Variants in NCOR2 observed in about 807,000 individuals in gnomAD.
NCOR2 encodes the protein nuclear receptor corepressor 2.
Under a neutral mutation model 262.9 loss-of-function variants are expected in NCOR2, and 81 were observed. That is an observed-to-expected ratio of 0.31 (90% confidence interval 0.26 to 0.37). The LOEUF is 0.37. NCOR2 is among the 10% of genes least tolerant of loss of function. The pLI, the probability that NCOR2 is intolerant of heterozygous loss-of-function variation, is 1.00. For synonymous variants in NCOR2, 1,659 were observed against 1,559.3 expected, an observed-to-expected ratio of 1.06 and a Z score of -1.51; for missense variants, 3,385 against 3,621.4, an observed-to-expected ratio of 0.93 and a Z score of 1.68.
At chr12:124,462,835 C>T (rs2046237997) in intron 5 of NCOR2, among the ~76,000 whole-genome samples, 1 of 152,232 alleles carries the variant, frequency 6.6e-6, no homozygotes, top group Admixed American at 6.5e-5. Flanking sequence ...TCACACTGTG[C>T]ACACACTGAG....
intron 7 of NCOR2, 22 bp from the exon 10 acceptor site, chr12:124,438,018 G>C: frequency 6.2e-7 from 1 of 1,601,836 alleles, no homozygotes; most frequent in East Asian, 2.2e-5. Context: ...GGAAGCGGCA[G>C]ACAGGTCAGC....
At chr12:124,431,318 TACAC>T (rs1165783743) in intron 8 of NCOR2, among the ~76,000 whole-genome samples, 2 of 141,050 alleles carry the variant, frequency 1.4e-5, no homozygotes, top group South Asian at 2.3e-4. Context: ...CACAGTCACA[TACAC>T]ACATGCAGTC....
intron 3 of NCOR2, among the ~76,000 whole-genome samples, chr12:124,479,454 T>TACACAC (rs144568176): frequency 0.016 from 2,308 of 143,466 alleles, 21 homozygotes; most frequent in Non-Finnish European, 0.022. Context: ...CACACACGCA[T>TACACAC]ACACACACAC....
At chr12:124,366,496 T>C (rs1029391581) in intron 20 of NCOR2, among the ~76,000 whole-genome samples, 12 of 152,052 alleles carry the variant, frequency 7.9e-5, no homozygotes, top group Non-Finnish European at 1.8e-4. Flanking sequence ...ACACTGAATA[T>C]ACTAAGAAGA....
intron 1 of NCOR2, among the ~76,000 whole-genome samples, chr12:124,518,858 G>A (rs1483709965): frequency 1.3e-5 from 2 of 152,186 alleles, no homozygotes; most frequent in Admixed American, 6.5e-5. Flanking sequence ...CCTCCAACCT[G>A]AGCGTAGCTC....
intron 1 of NCOR2, among the ~76,000 whole-genome samples, chr12:124,516,832 C>T (rs1412193142): frequency 2.0e-5 from 3 of 152,252 alleles, no homozygotes; most frequent in East Asian, 1.9e-4. Context: ...TTGTCAGCAT[C>T]GAGAAAACAA....
intron 40 of NCOR2, chr12:124,334,912 C>T (rs918994987): frequency 7.4e-5 from 49 of 665,452 alleles, no homozygotes; most frequent in East Asian, 3.8e-4. Context: ...GCCATCGGCT[C>T]GCATCACAGG....
intron 8 of NCOR2, among the ~76,000 whole-genome samples, chr12:124,434,156 C>T (rs2044195975): frequency 6.6e-6 from 1 of 152,046 alleles, no homozygotes; most frequent in Admixed American, 6.5e-5. Context: ...AGGCCCTGCT[C>T]TCTGGGAAGA....
At chr12:124,361,806 G>A (rs2038608205) in intron 22 of NCOR2, among the ~76,000 whole-genome samples, 1 of 146,832 alleles carries the variant, frequency 6.8e-6, no homozygotes. Flanking sequence ...CCAGTGTTGA[G>A]AAACCAGGGA....
intron 5 of NCOR2, among the ~76,000 whole-genome samples, chr12:124,460,216 CACAGTGCCTGG>C (rs1490908592): frequency 1.3e-5 from 2 of 152,258 alleles, no homozygotes; most frequent in Admixed American, 6.5e-5. Flanking sequence ...CTGCTGCACC[CACAGTGCCTGG>C]ACAGTGTCTG....
chr12:124,385,849 G>A (rs767183508), exon 17 of NCOR2: 13 of 1,613,760 alleles, frequency 8.1e-6, no homozygotes, highest in East Asian at 2.2e-5. Flanking sequence ...CCCACCATCC[G>A]GGCGATGGCC....
chr12:124,486,535 G>C (rs766657678), exon 2 of NCOR2: 3 of 1,594,332 alleles, frequency 1.9e-6, no homozygotes, highest in Middle Eastern at 3.3e-4. Flanking sequence ...GCATAGTCGC[G>C]GGAGTGGTGC....
chr12:124,337,680 G>C (rs2036007276), intron 37 of NCOR2, among the ~76,000 whole-genome samples: 1 of 152,214 alleles, frequency 6.6e-6, no homozygotes, highest in Non-Finnish European at 1.5e-5. Flanking sequence ...AGCCACGTGA[G>C]GAGTGAGAGA....
At chr12:124,411,019 G>A (rs2042550786) in intron 13 of NCOR2, among the ~76,000 whole-genome samples, 1 of 144,334 alleles carries the variant, frequency 6.9e-6, no homozygotes, top group Admixed American at 6.9e-5. Context: ...GAGACCCAGG[G>A]ACAGGGTGAG....
At chr12:124,521,177 G>A (rs1002995058) in intron 1 of NCOR2, among the ~76,000 whole-genome samples, 4 of 152,198 alleles carry the variant, frequency 2.6e-5, no homozygotes, top group African/African-American at 9.7e-5. Context: ...TTCAGCATCC[G>A]GCTCCAGCTG....
rs1263273796 is a variant in NCOR2 at position 124,531,237 on chromosome 12, A to G, written c.-118+4328T>C. On this transcript the variant is annotated intron_variant, in intron 1 of 46. Coordinates refer to the NCOR2 transcript ENST00000404621. The surrounding 1 kb of genome is among the most constrained non-coding windows in gnomAD (Gnocchi z 4.5). ...CCGTTTATGAAAGAAAATGATAATA[A>G]TAATAGAAGGACAGGGAGGGGGCTG... 6.6e-6 allele frequency among the ~76,000 whole-genome samples: 1 copy of G among 152,166 alleles called. No individual in the cohort carries two copies. The highest frequency in any genetic ancestry group is 1.5e-5 in the Non-Finnish European group (1 of 68,026).
chr12:124,388,897 C>G (rs138123377), intron 16 of NCOR2: 124 of 232,154 alleles, frequency 5.3e-4, no homozygotes, highest in Admixed American at 1.0e-3. Flanking sequence ...AGGGAGGGAG[C>G]GAGGGAGGGA....
At chr12:124,347,170 A>G (rs1475896797) in intron 30 of NCOR2, among the ~76,000 whole-genome samples, 1 of 152,212 alleles carries the variant, frequency 6.6e-6, no homozygotes, top group African/African-American at 2.4e-5. Flanking sequence ...GGAGTTCGAG[A>G]CCAGCCTGGG....
In NCOR2 at chr12:124,483,492, G is replaced by A. The variant is rs369305768; in HGVS notation, c.411+104C>T. The stretch of plus-strand genomic sequence containing the variant: ...TTGGCCCACCTCCAAGCCTTTGCCC[G>A]AGCTGCCCCCTCCCTGCACCCCTAC... On this transcript the variant is annotated intron_variant, in intron 3 of 46. Coordinates refer to ENST00000405201, the Ensembl canonical transcript of NCOR2. The surrounding 1 kb of genome is among the most constrained non-coding windows in gnomAD (Gnocchi z 6.3). 2.4e-5 allele frequency: 30 copies of A among 1,274,924 alleles called. No individual in the cohort carries two copies. The highest frequency in any genetic ancestry group is 9.2e-5 in the African/African-American group (6 of 65,556). The allele number at this position is 1,274,924 out of a possible 1,614,324, so 79.0% of individuals were successfully genotyped here. A position where few individuals can be genotyped will look rare whatever the true frequency, so the allele number is the denominator to read the frequency against.
Sources: gnomAD v4.1 joint callset for allele counts (sites outside exome capture counted in the v4.1 genomes callset) on GRCh38, gnomAD v4.1.1 for gene constraint, Gnocchi (gnomAD v3.1) non-coding constraint, MANE v1.5 for transcripts, NCBI Gene and HGNC (gene_info 2026-07-23, HGNC 2026-07-21) for gene names.